KALRN: variants seen among roughly 807,000 people sequenced by gnomAD.
The protein encoded by KALRN is kalirin RhoGEF kinase, also known as kalirin.
KALRN carries 70 observed loss-of-function variants against 353.7 expected under a neutral mutation model. The observed-to-expected ratio is 0.20, with a 90% CI of 0.16 to 0.24. The LOEUF is 0.24. KALRN is among the 10% of genes least tolerant of loss of function. KALRN has a pLI of 1.00. For synonymous variants in KALRN, 1,391 were observed against 1,434.8 expected (o/e 0.97, Z 0.69); for missense variants, 2,791 against 3,756.7 (o/e 0.74, Z 6.72).
chr3:124,175,360 C>G (rs2072530521), intron 1 of KALRN, among the ~76,000 whole-genome samples: 1 of 151,182 alleles, frequency 6.6e-6, no homozygotes, highest in East Asian at 1.9e-4. Context: ...GGCCTGCTCT[C>G]CAGGATGCGG....
At chr3:124,663,411 G>A (rs1475890953) in intron 45 of KALRN, among the ~76,000 whole-genome samples, 1 of 152,178 alleles carries the variant, frequency 6.6e-6, no homozygotes, top group African/African-American at 2.4e-5. Context: ...AGGAATTGAT[G>A]GGGGCATGGA....
chr3:124,709,667 G>A (rs1410857413), intron 57 of KALRN, among the ~76,000 whole-genome samples: 1 of 152,112 alleles, frequency 6.6e-6, no homozygotes, highest in Non-Finnish European at 1.5e-5. Flanking sequence ...AATAGAATAG[G>A]AAAAGAAGAA....
chr3:124,669,942 C>CT (rs1190184893), intron 47 of KALRN, among the ~76,000 whole-genome samples: 1 of 150,666 alleles, frequency 6.6e-6, no homozygotes, highest in Non-Finnish European at 1.5e-5. Context: ...CACAACCATC[C>CT]TTTTTTCCCC....
At chr3:124,243,696 T>A (rs78000433) in intron 3 of KALRN, among the ~76,000 whole-genome samples, 2,021 of 152,302 alleles carry the variant, frequency 0.013, 34 homozygotes, top group African/African-American at 0.041. Flanking sequence ...CCAGGAAGAA[T>A]GAACCCCAGA....
In KALRN at chr3:124,671,864, A is replaced by T. The variant is rs758210307; in HGVS notation, c.6908A>T (p.Tyr2303Phe). The change falls in exon 48 of 60, where the codon TAC (tyrosine) becomes TTC (phenylalanine). Residue 2303 changes from tyrosine to phenylalanine, a missense_variant. Transcript: ENST00000682506. Reference protein sequence around the residue: ...STSNGSPGFEYHQPGDKFEAS... With the variant: ...STSNGSPGFEFHQPGDKFEAS... ...TCCAATGGCAGTCCAGGGTTTGAATACCACCAGCCTGGGGACAAGTTCGAA... is the reference window on the plus strand; with the variant it reads ...TCCAATGGCAGTCCAGGGTTTGAATTCCACCAGCCTGGGGACAAGTTCGAA... The T allele has an allele frequency of 6.2e-7, 1 of 1,614,076 alleles. No homozygotes were observed. The highest frequency in any genetic ancestry group is 8.5e-7 in the Non-Finnish European group (1 of 1,179,990).
chr3:124,293,234 G>A (rs2076571742), intron 5 of KALRN, among the ~76,000 whole-genome samples: 1 of 152,146 alleles, frequency 6.6e-6, no homozygotes, highest in Non-Finnish European at 1.5e-5. Context: ...CTCTTAATCA[G>A]CTCATCAAAG....
chr3:124,323,952 T>C (rs1560564897), intron 6 of KALRN, among the ~76,000 whole-genome samples: 1 of 152,098 alleles, frequency 6.6e-6, no homozygotes, highest in African/African-American at 2.4e-5. Flanking sequence ...CTCTCTGACC[T>C]CAGAAGTGTG....
intron 51 of KALRN, among the ~76,000 whole-genome samples, chr3:124,682,822 C>T (rs1362118023): frequency 6.6e-6 from 1 of 152,128 alleles, no homozygotes; most frequent in Non-Finnish European, 1.5e-5. Flanking sequence ...GGAGGTAATT[C>T]TGCTCTAATG....
At chr3:124,055,353 C>T (rs911093879) in intron 1 of KALRN, among the ~76,000 whole-genome samples, 5 of 152,152 alleles carry the variant, frequency 3.3e-5, no homozygotes, top group Admixed American at 6.5e-5. Flanking sequence ...TCCTCTTCCC[C>T]GCTCCTGATG....
intron 49 of KALRN, among the ~76,000 whole-genome samples, chr3:124,675,789 C>T (rs768177687): frequency 2.6e-5 from 4 of 152,092 alleles, no homozygotes; most frequent in Admixed American, 1.3e-4. Context: ...TGGCATTCTC[C>T]GCTGCTTTCC....
In KALRN at chr3:124,678,239, G is replaced by T; in HGVS notation, c.7243G>T (p.Glu2415Ter). Residue 2415 changes from glutamate (E) to a stop codon, truncating the protein, a stop_gained, in exon 50 of 60, where the codon GAG (glutamate) becomes TAG (stop). Coordinates refer to ENST00000682506, the MANE Select transcript of KALRN (RefSeq NM_001388419.1). LOFTEE classifies it high-confidence loss of function. Reference sequence around the variant, plus strand: ...ACGCATGAGAAAGCGGGCGGAAGTGGAGAACACGGGTAAAAATGAAGCCAC... The same window carrying T: ...ACGCATGAGAAAGCGGGCGGAAGTGTAGAACACGGGTAAAAATGAAGCCAC... ...TLRMRKRAEV[E>*]NTGKNEATGP... 1 of 1,614,116 alleles carries T rather than the reference G, an allele frequency of 6.2e-7. No homozygotes were observed. The highest frequency in any genetic ancestry group is 8.5e-7 in the Non-Finnish European group (1 of 1,179,974).
chr3:124,453,266 C>T (rs1709831689), intron 21 of KALRN, among the ~76,000 whole-genome samples: 1 of 152,208 alleles, frequency 6.6e-6, no homozygotes, highest in Non-Finnish European at 1.5e-5. Context: ...TACCTCCTTT[C>T]CTTCACACCA....
intron 54 of KALRN, among the ~76,000 whole-genome samples, chr3:124,697,016 C>A (rs937872240): frequency 6.6e-6 from 1 of 152,192 alleles, no homozygotes; most frequent in Admixed American, 6.5e-5. Flanking sequence ...ACCTCCCAGG[C>A]TCAAGCTATC....
chr3:124,497,093 A>C (rs2063943904), intron 33 of KALRN, among the ~76,000 whole-genome samples: 1 of 152,212 alleles, frequency 6.6e-6, no homozygotes, highest in South Asian at 2.1e-4. Flanking sequence ...CTGATGGGAA[A>C]GCAAAAGAAA....
chr3:124,608,380 T>A (rs1347140890), intron 34 of KALRN, among the ~76,000 whole-genome samples: 1 of 152,106 alleles, frequency 6.6e-6, no homozygotes, highest in Non-Finnish European at 1.5e-5. Flanking sequence ...CTAGAATAGA[T>A]AGTAAATTTT....
chr3:124,048,568 G>A lies in KALRN; in HGVS notation c.73+14755G>A, dbSNP rs368164207. ...GCGATCTCGGCTCACTGCAAGCTCC[G>A]CCTCCCGGGTTCACACCATTCTCCT... On this transcript the variant is annotated intron_variant, in intron 1 of 59. Transcript: ENST00000682506. Among the ~76,000 whole-genome samples the A allele has an allele frequency of 5.9e-4, 90 of 151,494 alleles. No individual in the cohort carries two copies. The East Asian group carries it at 7.4e-3, about 12-fold the overall frequency.
intron 33 of KALRN, among the ~76,000 whole-genome samples, chr3:124,561,883 A>G (rs1443474084): frequency 4.6e-5 from 7 of 152,178 alleles, no homozygotes; most frequent in Admixed American, 4.6e-4. Flanking sequence ...GAGACAAACT[A>G]ATAACCGAAT....
At chr3:124,639,158 A>G (rs139682355) in intron 37 of KALRN, among the ~76,000 whole-genome samples, 1 of 152,274 alleles carries the variant, frequency 6.6e-6, no homozygotes, top group African/African-American at 2.4e-5. Context: ...GTTTTTGTTC[A>G]TATGGCCCCA....
In KALRN at chr3:124,391,117, C is replaced by T. The variant is rs574138309; in HGVS notation, c.1963-4018C>T. Among the ~76,000 whole-genome samples, 62 of 152,234 alleles carry T rather than the reference C, an allele frequency of 4.1e-4. 1 individual carries two copies. The highest frequency in any genetic ancestry group is 6.6e-4 in the Non-Finnish European group (45 of 68,022). On this transcript the variant is annotated intron_variant, in intron 11 of 59. Coordinates refer to ENST00000682506, the MANE Select transcript of KALRN (RefSeq NM_001388419.1). ...TTCTGTAAGAAAGAATGCACAAAAC[C>T]ATCTACATGTATATATCAGCATGGA...
Sources: gnomAD v4.1 joint callset for allele counts (sites outside exome capture counted in the v4.1 genomes callset) on GRCh38, gnomAD v4.1.1 for gene constraint, MANE v1.5 for transcripts, NCBI Gene and HGNC (gene_info 2026-07-23, HGNC 2026-07-21) for gene names.